COL4A4: variants seen among roughly 807,000 people sequenced by gnomAD.
COL4A4 encodes the protein collagen type IV alpha 4 chain.
A neutral mutation model predicts 192.9 loss-of-function variants in COL4A4; 105 were observed. That is an observed-to-expected ratio of 0.54 (90% CI 0.46 to 0.64). The LOEUF (loss-of-function observed/expected upper bound fraction) is 0.64, where lower values mean the gene tolerates loss of function less well. COL4A4 is among the 30% of genes least tolerant of loss of function. The probability of loss-of-function intolerance (pLI) is 0.00; values close to 1 mark genes in which losing one functional copy is unlikely to be tolerated. For missense variants in COL4A4, 1,967 were observed against 2,169.3 expected (o/e 0.91, Z 1.85); for synonymous variants, 762 against 769.9 (o/e 0.99, Z 0.17).
rs1247108959 is a variant in COL4A4 at position 227,042,168 on chromosome 2, G to A, written c.3485C>T (p.Pro1162Leu). 1.2e-6 allele frequency: 2 copies of A among 1,609,206 alleles called. No individual in the cohort carries two copies. The highest frequency in any genetic ancestry group is 1.3e-5 in the African/African-American group (1 of 74,798). Residue 1162 changes from proline (P) to leucine (L), a missense_variant, in exon 37 of 48, where the codon CCA becomes CTA. By Grantham distance (98) the Pro-to-Leu change is moderately conservative. Transcript: ENST00000396625. ...PRGLQGDPGI[P>L]GPPGIKGPSG... The stretch of plus-strand genomic sequence containing the variant: ...CTTACCTTTTATTCCCGGAGGACCT[G>A]GTATCCCTGGATCCCCCTGGAGGCC...
intron 4 of COL4A4, among the ~76,000 whole-genome samples, chr2:227,131,112 TTTC>T (rs2062428693): frequency 6.6e-6 from 1 of 152,078 alleles, no homozygotes. Context: ...CTTTCAAAAA[TTTC>T]TTATTATGCA....
At chr2:226,999,002 T>C (rs1017505190), downstream of COL4A4, 1 of 150,704 alleles carries the variant, frequency 6.6e-6, no homozygotes, top group Non-Finnish European at 1.5e-5. Context: ...CCCATCTGAA[T>C]CCTGTAACAG....
At chr2:227,032,774 C>T (rs1303319732) in intron 38 of COL4A4, among the ~76,000 whole-genome samples, 1 of 152,224 alleles carries the variant, frequency 6.6e-6, no homozygotes, top group Non-Finnish European at 1.5e-5. Flanking sequence ...GATTTCACCT[C>T]TCTCCAACAA....
rs771433027 is a variant in COL4A4 at position 227,051,127 on chromosome 2, T to C, written c.3000A>G (p.Arg1000=). ...GTCCGTATCTTCCCGGCTCTCCTCT[T>C]CTCCCTTGCATCCCGGGAGTTCCTT... ...GDKGTPGMQG[R]RGEPGRYGPP... The change falls in exon 33 of 48, where the codon AGA becomes AGG. Residue 1000 remains arginine (R), a synonymous_variant. Coordinates refer to ENST00000396625, the MANE Select transcript of COL4A4 (RefSeq NM_000092.5). The C allele has an allele frequency of 6.2e-7, 1 of 1,614,108 alleles. No homozygotes were observed. Among genetic ancestry groups the C allele is most frequent in the Non-Finnish European group, 8.5e-7 (1 of 1,180,006 alleles).
At chr2:227,073,409 T>C (rs1156964077) in intron 25 of COL4A4, among the ~76,000 whole-genome samples, 1 of 151,904 alleles carries the variant, frequency 6.6e-6, no homozygotes, top group Non-Finnish European at 1.5e-5. Flanking sequence ...ATGACACAAA[T>C]GGAAATGCAT....
At chr2:226,967,888 C>G in the COL4A4 span, among the ~76,000 whole-genome samples, 3 of 152,032 alleles carry the variant, frequency 2.0e-5, no homozygotes, top group African/African-American at 7.2e-5. Context: ...CAGGACTGTC[C>G]TGTACAATGA....
At chr2:227,148,677 A>C (rs542456887) in intron 1 of COL4A4, among the ~76,000 whole-genome samples, 1 of 152,080 alleles carries the variant, frequency 6.6e-6, no homozygotes, top group Non-Finnish European at 1.5e-5. Flanking sequence ...AAATAGAAAA[A>C]ATATTTTAAA....
chr2:227,081,106 G>C (rs1020318641), intron 23 of COL4A4, among the ~76,000 whole-genome samples: 2 of 152,204 alleles, frequency 1.3e-5, no homozygotes, highest in African/African-American at 4.8e-5. Context: ...ATGCCAACCT[G>C]TGATGGTTAA....
intron 9 of COL4A4, among the ~76,000 whole-genome samples, chr2:227,110,166 T>A (rs1559648860): frequency 6.6e-6 from 1 of 152,092 alleles, no homozygotes; most frequent in Non-Finnish European, 1.5e-5. Context: ...AGCCTGGAAG[T>A]GTGGAGAGAT....
At chr2:227,160,813 G>A (rs965890926) in intron 1 of COL4A4, among the ~76,000 whole-genome samples, 3 of 152,166 alleles carry the variant, frequency 2.0e-5, no homozygotes, top group South Asian at 2.1e-4. Flanking sequence ...CAGGAGCCAC[G>A]AACTTAGAGA....
At chr2:227,044,697 T>C (rs1458688835) in intron 35 of COL4A4, among the ~76,000 whole-genome samples, 1 of 152,182 alleles carries the variant, frequency 6.6e-6, no homozygotes, top group East Asian at 1.9e-4. Context: ...CTATATTTTC[T>C]CTCTGAATAG....
At chr2:227,056,142 G>C in intron 29 of COL4A4, 27 bp from the exon 30 acceptor site, 1 of 1,611,036 alleles carries the variant, frequency 6.2e-7, no homozygotes. Flanking sequence ...TGACCACAGT[G>C]TGTGAAGGCT....
At chr2:227,041,848 G>GAGAGAGAA (rs1971305412) in intron 37 of COL4A4, among the ~76,000 whole-genome samples, 11 of 38,734 alleles carry the variant, frequency 2.8e-4, no homozygotes, top group Admixed American at 1.2e-3. Context: ...AAGAAAGAAA[G>GAGAGAGAA]AGAAAGAAAG....
the COL4A4 span, among the ~76,000 whole-genome samples, chr2:226,971,909 CTTTTT>C: frequency 1.4e-5 from 2 of 146,406 alleles, no homozygotes; most frequent in Non-Finnish European, 3.0e-5. Flanking sequence ...CAAAAGCCCA[CTTTTT>C]TTTTTTTTTA....
At chr2:227,089,786 G>T in intron 21 of COL4A4, 82 bp downstream of exon 21, 3 of 1,113,424 alleles carry the variant, frequency 2.7e-6, no homozygotes, top group South Asian at 1.3e-5. Context: ...TGAATGAAAT[G>T]CCACATTACA....
In COL4A4 at chr2:227,006,743, ACG is replaced by A. The variant is rs1422371342; in HGVS notation, c.*580_*581del. The A allele has an allele frequency of 6.5e-6, 1 of 153,220 alleles. No individual in the cohort carries two copies. Among genetic ancestry groups the A allele is most frequent in the Non-Finnish European group, 1.4e-5 (1 of 70,274 alleles). 9.5% of individuals were successfully genotyped at this position (153,220 alleles called of 1,614,324 possible). A position where few individuals can be genotyped will look rare whatever the true frequency, so the allele number is the denominator to read the frequency against. On this transcript the variant is annotated 3_prime_UTR_variant, in exon 48 of 48. Coordinates refer to ENST00000396625, the MANE Select transcript of COL4A4 (RefSeq NM_000092.5). ...CATTCTCCTTTGAAAGGAACTGTTA[ACG>A]CTGGCAGTGTGAATTTTTTTTTTTC...
At chr2:226,986,650 A>G in the COL4A4 span, among the ~76,000 whole-genome samples, 3 of 152,376 alleles carry the variant, frequency 2.0e-5, no homozygotes, top group African/African-American at 7.2e-5. Context: ...CATGCCAGTT[A>G]GAATAGCGAT....
the COL4A4 span, chr2:226,995,367 C>T: frequency 1.0e-6 from 1 of 992,348 alleles, no homozygotes; most frequent in Non-Finnish European, 1.6e-6. Flanking sequence ...CCCTTGGAAT[C>T]CTAGGGTACA....
At chr2:227,071,630 A>G (rs1404797856) in intron 25 of COL4A4, among the ~76,000 whole-genome samples, 1 of 152,190 alleles carries the variant, frequency 6.6e-6, no homozygotes, top group African/African-American at 2.4e-5. Context: ...ATTCTCCAAG[A>G]TAGACCATAT....
Sources: allele counts gnomAD v4.1 joint callset (sites outside exome capture counted in the v4.1 genomes callset), GRCh38; gene constraint gnomAD v4.1.1; transcripts MANE v1.5; gene names NCBI Gene and HGNC (gene_info 2026-07-23, HGNC 2026-07-21).